Variants in KRT73 observed in about 807,000 individuals in gnomAD.
KRT73 encodes keratin 73, also known as keratin, type II cytoskeletal 73.
KRT73 carries 44 observed loss-of-function variants against 47.2 expected under a neutral mutation model. That is an observed-to-expected ratio of 0.93 (90% CI 0.73 to 1.20). The LOEUF (loss-of-function observed/expected upper bound fraction) is 1.20. Ranked by LOEUF, KRT73 falls within the 50% of genes most tolerant of loss-of-function variation. The pLI is 0.00. For synonymous variants in KRT73, 285 were observed against 291.3 expected, an observed-to-expected ratio of 0.98 and a Z score of 0.22; for missense variants, 713 against 704.5, an observed-to-expected ratio of 1.01 and a Z score of -0.14.
At chr12:52,613,463 T>A (rs1018295724) in intron 5 of KRT73, 2 of 678,466 alleles carry the variant, frequency 2.9e-6, no homozygotes, top group Non-Finnish European at 4.4e-6. Flanking sequence ...TTACACCACA[T>A]TCACCTGCAC....
chr12:52,623,243 T>C (rs1026300712), upstream of KRT73, among the ~76,000 whole-genome samples: 1 of 152,188 alleles, frequency 6.6e-6, no homozygotes, highest in Non-Finnish European at 1.5e-5. Flanking sequence ...AGAGAAACAA[T>C]GCTTTACCTT....
chr12:52,616,238 A>G lies in KRT73; in HGVS notation c.590T>C (p.Leu197Pro), dbSNP rs1255249038. Residue 197 changes from leucine to proline, a missense_variant, in exon 2 of 9, where the codon CTG becomes CCG. Coordinates refer to ENST00000305748, the MANE Select transcript of KRT73 (RefSeq NM_175068.3). Reference sequence around the variant, plus strand: ...GTCCAGCCTCACCCTGTCCCCAGACAGCGTCTCCAGCTGCTTCCGCAGGTT... The same window carrying G: ...GTCCAGCCTCACCCTGTCCCCAGACGGCGTCTCCAGCTGCTTCCGCAGGTT... The part of the protein sequence containing the change: ...ISNLRKQLET[L>P]SGDRVRLDSE... The G allele has an allele frequency of 1.9e-6, 3 of 1,614,014 alleles. No homozygotes were observed. Among genetic ancestry groups the G allele is most frequent in the African/African-American group, 2.7e-5 (2 of 74,914 alleles).
chr12:52,620,291 A>G, upstream of KRT73, among the ~76,000 whole-genome samples: 1 of 151,822 alleles, frequency 6.6e-6, no homozygotes, highest in East Asian at 1.9e-4. Flanking sequence ...TCTAGTAGAA[A>G]TGGGGTTTCT....
chr12:52,612,183 C>T lies in KRT73; in HGVS notation c.985-854G>A, dbSNP rs927336606. Among the ~76,000 whole-genome samples the T allele has an allele frequency of 2.0e-5, 3 of 152,324 alleles. No homozygotes were observed. The East Asian group carries it at 5.8e-4, about 29-fold the overall frequency. ...TAGCTGGGCCCCAGCCCACAGGCAGCTTTCCAGGGCTGGGATGGAGGGAGG... is the reference window on the plus strand; with the variant it reads ...TAGCTGGGCCCCAGCCCACAGGCAGTTTTCCAGGGCTGGGATGGAGGGAGG... On this transcript the variant is annotated intron_variant, in intron 5 of 8. Coordinates refer to ENST00000305748, the MANE Select transcript of KRT73 (RefSeq NM_175068.3).
the KRT73 span, among the ~76,000 whole-genome samples, chr12:52,629,012 C>T: frequency 6.6e-6 from 1 of 152,278 alleles, no homozygotes; most frequent in East Asian, 1.9e-4. Context: ...CCTCATCTCC[C>T]AAGTCAGGAC....
At position 52,613,754 on chromosome 12, in the gene KRT73, G is replaced by A. The variant is rs1940753320; in HGVS notation, c.918C>T (p.Val306=). Residue 306 remains valine, a synonymous_variant, in exon 5 of 9, where the codon GTC becomes GTT. Transcript: ENST00000305748. The stretch of plus-strand genomic sequence containing the variant: ...GGGCGATCTCCTCATACTGGGCACG[G>A]ACCTCAGCAATGATGCTGTCCAGGT... ...NLDLDSIIAE[V]RAQYEEIARK... is the part of the protein sequence containing the mutation. The A allele has an allele frequency of 6.2e-7, 1 of 1,614,228 alleles. No homozygotes were observed. Among genetic ancestry groups the A allele is most frequent in the Admixed American group, 1.7e-5 (1 of 60,028 alleles).
At chr12:52,614,481 GC>G in intron 4 of KRT73, 97 bp downstream of exon 4, 1 of 1,024,974 alleles carries the variant, frequency 9.8e-7, no homozygotes, top group Non-Finnish European at 1.4e-6. Flanking sequence ...TGCTGGAGGT[GC>G]CCTGGACTGC....
At position 52,616,326 on chromosome 12, in the gene KRT73, G is replaced by A; in HGVS notation, c.502C>T (p.Gln168Ter). The A allele has an allele frequency of 6.2e-7, 1 of 1,614,182 alleles. No individual in the cohort carries two copies. The highest frequency in any genetic ancestry group is 1.1e-5 in the South Asian group (1 of 91,056). ...TTGCAGTTGTTCAGGTCCAGCTGCT[G>A]TAGCAGCTCCCACTTGGTCTCCAGC... is the stretch of plus-strand genomic sequence containing the variant. The part of the protein sequence containing the change: ...QVLETKWELL[Q>*]QLDLNNCKNN... Residue 168 changes from glutamine (Q) to a stop codon, truncating the protein, a stop_gained, in exon 2 of 9, where the codon CAG becomes TAG. Coordinates refer to ENST00000305748, the MANE Select transcript of KRT73 (RefSeq NM_175068.3). LOFTEE classifies it high-confidence loss of function.
Position 52,615,358 on chromosome 12 carries a change from A to T in KRT73, c.663-19T>A. 1 of 1,608,016 alleles carries T rather than the reference A, an allele frequency of 6.2e-7. No individual in the cohort carries two copies. Among genetic ancestry groups the T allele is most frequent in the Non-Finnish European group, 8.5e-7 (1 of 1,174,536 alleles). On this transcript the variant is annotated intron_variant, in intron 2 of 8. Transcript: ENST00000305748. ...TTCATACCTGCAGGGAAAGCATCAC[A>T]GGAAGCAGAGTGTGTGTCTGTGTGT...
intron 2 of KRT73, among the ~76,000 whole-genome samples, chr12:52,615,662 A>G (rs1815502801): frequency 6.6e-6 from 1 of 152,148 alleles, no homozygotes; most frequent in Non-Finnish European, 1.5e-5. Flanking sequence ...TTCTTGTGTC[A>G]ATCCTGCTGC....
At chr12:52,609,186 C>G in intron 8 of KRT73, 61 bp downstream of exon 8, 1 of 1,484,664 alleles carries the variant, frequency 6.7e-7, no homozygotes, top group Middle Eastern at 1.7e-4. Context: ...CGGTGGACAC[C>G]CACCCACTTT....
chr12:52,626,128 T>C, the KRT73 span, among the ~76,000 whole-genome samples: 1 of 152,362 alleles, frequency 6.6e-6, no homozygotes, highest in East Asian at 1.9e-4. Context: ...ATAGTACATC[T>C]TGCAATGTTT....
In KRT73 at chr12:52,613,059, A is replaced by T. The variant is rs540214289; in HGVS notation, c.984+629T>A. 2.0e-5 allele frequency among the ~76,000 whole-genome samples: 3 copies of T among 152,284 alleles called. No individual in the cohort carries two copies. In the East Asian group the frequency reaches 5.8e-4, roughly 29 times the overall value. ...TCTCCTCCACCACTGCAGGCTAGCA[A>T]GGAGGCAGGGAGAGGGATGAGATAA... On this transcript the variant is annotated intron_variant, in intron 5 of 8. Transcript: ENST00000305748.
chr12:52,613,917 C>T, intron 4 of KRT73, 65 bp from the exon 5 acceptor site: 1 of 1,579,370 alleles, frequency 6.3e-7, no homozygotes, highest in Non-Finnish European at 8.6e-7. Flanking sequence ...AAGGTGATGG[C>T]CCTGTCCCAG....
the KRT73 span, among the ~76,000 whole-genome samples, chr12:52,624,700 A>T: frequency 6.6e-6 from 1 of 152,118 alleles, no homozygotes; most frequent in Non-Finnish European, 1.5e-5. Flanking sequence ...TTTTTAAAGC[A>T]CATTATTTGC....
rs766563377 is a variant in KRT73, at chr12:52,618,361, C to T, written c.164G>A (p.Arg55Gln). 63 of 1,614,052 alleles carry T rather than the reference C, an allele frequency of 3.9e-5. No homozygotes were observed. The highest frequency in any genetic ancestry group is 2.0e-4 in the South Asian group (18 of 91,076). ...ACTGGCCACATTGAAAGAGATGCTC[C>T]GGGCACCCCCCAGGCTGTAAAGGCT... ...SRSLYSLGGARSISFNVASGS... is the reference protein window; with the variant it reads ...SRSLYSLGGAQSISFNVASGS... The change falls in exon 1 of 9, where the codon CGG (arginine) becomes CAG (glutamine). Residue 55 changes from arginine to glutamine, a missense_variant. Physicochemically the swap from Arg to Gln is conservative, Grantham distance 43 (BLOSUM62 1). Coordinates refer to ENST00000305748, the MANE Select transcript of KRT73 (RefSeq NM_175068.3).
the KRT73 span, among the ~76,000 whole-genome samples, chr12:52,630,120 A>G: frequency 6.6e-6 from 1 of 152,230 alleles, no homozygotes; most frequent in African/African-American, 2.4e-5. Context: ...AGTGCAGCAT[A>G]CAGGGCCAGG....
At chr12:52,615,021 G>A (rs1489405141) in intron 3 of KRT73, 3 of 540,538 alleles carry the variant, frequency 5.6e-6, no homozygotes, top group Admixed American at 6.6e-5. Context: ...CCCTCCCAAA[G>A]CCTGTCCTGT....
At chr12:52,608,473 A>G in intron 8 of KRT73, 21 bp from the exon 9 acceptor site, 1 of 1,594,180 alleles carries the variant, frequency 6.3e-7, no homozygotes. Flanking sequence ...GGGAGGGACG[A>G]GTGATCAGTG....
Sources: gnomAD v4.1 joint callset for allele counts (sites outside exome capture counted in the v4.1 genomes callset) on GRCh38, gnomAD v4.1.1 for gene constraint, MANE v1.5 for transcripts, NCBI Gene and HGNC (gene_info 2026-07-23, HGNC 2026-07-21) for gene names.